COL11A1: variants seen among roughly 807,000 people sequenced by gnomAD.
COL11A1 encodes collagen type XI alpha 1 chain.
In COL11A1, 74 loss-of-function variants were observed where a neutral mutation model predicts 265.2. The ratio of observed to expected loss-of-function variants is 0.28; its 90% CI spans 0.23 to 0.34. COL11A1 has a LOEUF of 0.34. COL11A1 is among the 10% of genes least tolerant of loss of function. COL11A1 has a pLI of 1.00. For missense variants in COL11A1, 2,165 were observed against 2,263.6 expected (o/e 0.96, Z 0.88); for synonymous variants, 816 against 727.6 (o/e 1.12, Z -1.96).
Position 103,070,608 on chromosome 1 carries a change from T to C in COL11A1, c.651+4010A>G, listed in dbSNP as rs991316293. ...ATCTCTTGGGTGAGATGGCAATGTT[T>C]ATTTTCTTGATTATGATGATGGTTT... On this transcript the variant is annotated intron_variant, in intron 4 of 66. Transcript: ENST00000370096. Among the ~76,000 whole-genome samples the C allele has an allele frequency of 1.7e-4, 26 of 152,030 alleles. No individual in the cohort carries two copies. In the East Asian group the frequency reaches 2.9e-3, roughly 17 times the overall value.
intron 4 of COL11A1, among the ~76,000 whole-genome samples, chr1:103,053,825 A>C (rs1670020303): frequency 6.6e-6 from 1 of 152,250 alleles, no homozygotes; most frequent in Non-Finnish European, 1.5e-5. Context: ...CCATAAAAAC[A>C]TCTTACATTT....
At chr1:102,976,647 A>G (rs763820916) in intron 35 of COL11A1, among the ~76,000 whole-genome samples, 10 of 152,152 alleles carry the variant, frequency 6.6e-5, no homozygotes, top group Non-Finnish European at 1.5e-4. Context: ...TGGGATTTTA[A>G]GAAATCCATA....
Position 102,979,205 on chromosome 1 carries a change from A to G in COL11A1, c.2611-101T>C, listed in dbSNP as rs1255989821. On this transcript the variant is annotated intron_variant, in intron 32 of 66. Transcript: ENST00000370096. ...ATGCAAGAACATCATTCATTCATTC[A>G]TTCATTCGTATTCATTTAGAGACAG... is the stretch of plus-strand genomic sequence containing the variant. 4 of 1,284,064 alleles carry G rather than the reference A, an allele frequency of 3.1e-6. No individual in the cohort carries two copies. In the East Asian group the frequency reaches 7.2e-5, roughly 23 times the overall value. The allele number at this position is 1,284,064 out of a possible 1,614,324, so 79.5% of individuals were successfully genotyped here. A position where few individuals can be genotyped will look rare whatever the true frequency, so the allele number is the denominator to read the frequency against.
intron 9 of COL11A1, 128 bp downstream of exon 9, chr1:103,021,579 G>T: frequency 1.4e-6 from 1 of 701,138 alleles, no homozygotes; most frequent in Non-Finnish European, 2.6e-6. Flanking sequence ...ACTTATTTGT[G>T]GTGAATTGCA....
At chr1:103,108,003 T>TG (rs1322866009) in intron 1 of COL11A1, 70 bp downstream of exon 1, 9 of 1,087,544 alleles carry the variant, frequency 8.3e-6, no homozygotes, top group Admixed American at 7.2e-5. Flanking sequence ...AAGGGTAAAG[T>TG]GGGGGGAGGG....
intron 50 of COL11A1, 131 bp from the exon 51 acceptor site, chr1:102,914,942 G>A: frequency 2.7e-6 from 2 of 736,634 alleles, no homozygotes; most frequent in East Asian, 2.8e-5. Context: ...ATATCACTTT[G>A]TCACCAAGTT....
rs886038501 is a variant in COL11A1 at position 102,978,933 on chromosome 1, A to G, written c.2656-20T>C. ...AGGACCCTGCAGATGAGAACAAAAG[A>G]TGAACCCAAACTAATGCCAGACAAA... is the stretch of plus-strand genomic sequence containing the variant. On this transcript the variant is annotated intron_variant, in intron 33 of 66. Transcript: ENST00000370096. The G allele has an allele frequency of 2.0e-5, 32 of 1,614,054 alleles. No homozygotes were observed. The highest frequency in any genetic ancestry group is 3.3e-5 in the Admixed American group (2 of 59,988).
chr1:103,051,552 C>T lies in COL11A1; in HGVS notation c.652-20308G>A, dbSNP rs138048271. Among the ~76,000 whole-genome samples, 1,058 of 152,272 alleles carry T rather than the reference C, an allele frequency of 6.9e-3. 14 individuals are homozygous for T. The highest frequency in any genetic ancestry group is 0.024 in the African/African-American group (990 of 41,558). The stretch of plus-strand genomic sequence containing the variant: ...GAATTCCCTGACCCCTTGTGCTTCC[C>T]GGGTAAGGTGATGCCTCGCCTTGCT... On this transcript the variant is annotated intron_variant, in intron 4 of 66. Transcript: ENST00000370096.
intron 4 of COL11A1, among the ~76,000 whole-genome samples, chr1:103,034,999 G>T (rs7536172): frequency 0.011 from 1,698 of 152,134 alleles, 31 homozygotes; most frequent in African/African-American, 0.038. Context: ...ATTAGAGTGA[G>T]ATTTCCTTAA....
At chr1:103,081,708 A>G (rs1418094261) in intron 2 of COL11A1, among the ~76,000 whole-genome samples, 1 of 151,998 alleles carries the variant, frequency 6.6e-6, no homozygotes, top group Non-Finnish European at 1.5e-5. Context: ...GTTAGAAAAC[A>G]GTTTCATATG....
intron 41 of COL11A1, among the ~76,000 whole-genome samples, chr1:102,949,289 C>T (rs1659636414): frequency 6.6e-6 from 1 of 150,856 alleles, no homozygotes; most frequent in Admixed American, 6.6e-5. Context: ...TTCTAACCCT[C>T]ACAAAATGAT....
chr1:102,947,077 A>G, intron 41 of COL11A1, 121 bp from the exon 42 acceptor site: 1 of 889,504 alleles, frequency 1.1e-6, no homozygotes, highest in Non-Finnish European at 1.8e-6. Flanking sequence ...TTTAGAGTTT[A>G]GATAATTTTA....
At chr1:102,923,279 C>T (rs1656195212) in intron 47 of COL11A1, 57 bp downstream of exon 47, 1 of 1,364,208 alleles carries the variant, frequency 7.3e-7, no homozygotes, top group African/African-American at 1.4e-5. Context: ...ACTTTACAAA[C>T]CAGTGACTGC....
intron 4 of COL11A1, among the ~76,000 whole-genome samples, chr1:103,047,006 T>C (rs1346522941): frequency 6.6e-5 from 10 of 152,204 alleles, no homozygotes; most frequent in Non-Finnish European, 1.2e-4. Context: ...TTGGTTACTG[T>C]AGCCTTGTAG....
intron 9 of COL11A1, among the ~76,000 whole-genome samples, chr1:103,020,850 C>G (rs1184950348): frequency 7.2e-6 from 1 of 138,138 alleles, no homozygotes; most frequent in Non-Finnish European, 1.6e-5. Context: ...ATAGGGAATC[C>G]TTTCCCCATT....
intron 41 of COL11A1, 132 bp downstream of exon 41, chr1:102,961,734 G>T: frequency 1.3e-6 from 1 of 772,190 alleles, no homozygotes; most frequent in Non-Finnish European, 2.2e-6. Context: ...TGGGAACTAG[G>T]CATTGACTGA....
intron 1 of COL11A1, among the ~76,000 whole-genome samples, chr1:103,107,797 G>A (rs985273720): frequency 6.6e-6 from 1 of 152,026 alleles, no homozygotes; most frequent in Non-Finnish European, 1.5e-5. Flanking sequence ...AAAGAGGCTG[G>A]AAAGTGGTGA....
At chr1:102,967,044 T>G (rs1260361347) in intron 37 of COL11A1, among the ~76,000 whole-genome samples, 1 of 152,056 alleles carries the variant, frequency 6.6e-6, no homozygotes, top group Non-Finnish European at 1.5e-5. Flanking sequence ...TCAGTTATTT[T>G]ATCTGAATGT....
intron 44 of COL11A1, among the ~76,000 whole-genome samples, chr1:102,938,122 G>T (rs183943278): frequency 6.6e-6 from 1 of 152,094 alleles, no homozygotes; most frequent in African/African-American, 2.4e-5. Flanking sequence ...TAGGACTATG[G>T]TAACTCTTCA....
Sources: gnomAD v4.1 joint callset for allele counts (sites outside exome capture counted in the v4.1 genomes callset) on GRCh38, gnomAD v4.1.1 for gene constraint, MANE v1.5 for transcripts, NCBI Gene and HGNC (gene_info 2026-07-23, HGNC 2026-07-21) for gene names.